Variants in NCALD observed in about 807,000 individuals in gnomAD.
NCALD encodes the protein neurocalcin-delta.
A neutral mutation model predicts 18.6 loss-of-function variants in NCALD; 10 were observed. The ratio of observed to expected loss-of-function variants is 0.54; its 90% confidence interval spans 0.33 to 0.91. The LOEUF (loss-of-function observed/expected upper bound fraction) is 0.91, where lower values mean the gene tolerates loss of function less well. Among genes scored for constraint, NCALD ranks in the 40% least tolerant of loss-of-function variants. NCALD has a pLI of 0.03. For missense variants in NCALD, 184 were observed against 247.6 expected, an observed-to-expected ratio of 0.74 and a Z score of 1.72; for synonymous variants, 88 against 87.4, an observed-to-expected ratio of 1.01 and a Z score of -0.04.
intron 1 of NCALD, among the ~76,000 whole-genome samples, chr8:102,091,223 C>T (rs575120382): frequency 1.1e-4 from 16 of 152,304 alleles, no homozygotes; most frequent in African/African-American, 2.6e-4. Context: ...ATTCTTGCTG[C>T]ACTTTATACA....
chr8:101,717,465 G>A lies in NCALD; in HGVS notation c.378+1787C>T, dbSNP rs372836457. ...TTGAATTTCTGAGTCGTGGAGGGAC[G>A]GGATTCAGCTAAGAATTTATGTATC... On this transcript the variant is annotated intron_variant, in intron 2 of 3. Transcript: ENST00000220931. Among the ~76,000 whole-genome samples, 14 of 151,898 alleles carry A rather than the reference G, an allele frequency of 9.2e-5. No individual in the cohort carries two copies. In the South Asian group the frequency reaches 2.1e-3, roughly 23 times the overall value.
At chr8:101,888,481 A>G (rs1429446110) in intron 3 of NCALD, among the ~76,000 whole-genome samples, 7 of 152,088 alleles carry the variant, frequency 4.6e-5, no homozygotes, top group African/African-American at 1.7e-4. Context: ...GCAGTAGAGC[A>G]ATAATAGCTC....
intron 1 of NCALD, among the ~76,000 whole-genome samples, chr8:101,719,924 C>T (rs12681368): frequency 0.45 from 68,467 of 151,920 alleles, 18,222 homozygotes; most frequent in Non-Finnish European, 0.6. Context: ...TCAGAGAGAG[C>T]GTGAGGTAGA....
At chr8:102,112,065 GA>G (rs929578792) in intron 1 of NCALD, among the ~76,000 whole-genome samples, 2 of 152,230 alleles carry the variant, frequency 1.3e-5, no homozygotes, top group African/African-American at 4.8e-5. Context: ...TTTTAGTAAA[GA>G]AAATAATGAT....
chr8:101,687,147 T>A lies in NCALD; in HGVS notation c.*2162A>T, dbSNP rs1010083762. 2 of 152,008 alleles carry A rather than the reference T, an allele frequency of 1.3e-5. No homozygotes were observed. Among genetic ancestry groups the A allele is most frequent in the African/African-American group, 4.8e-5 (2 of 41,340 alleles). 9.4% of individuals were successfully genotyped at this position (152,008 alleles called of 1,614,324 possible). ...CAGCTCTAGGTTCCAAGGAACAGAG[T>A]GGGTCTGGCTCAGCGAGATGTCATG... is the stretch of plus-strand genomic sequence containing the variant. On this transcript the variant is annotated 3_prime_UTR_variant, in exon 4 of 4. Coordinates refer to ENST00000220931, the MANE Select transcript of NCALD (RefSeq NM_032041.3).
At chr8:102,081,818 T>C (rs1397438019) in intron 1 of NCALD, among the ~76,000 whole-genome samples, 5 of 152,176 alleles carry the variant, frequency 3.3e-5, no homozygotes, top group Non-Finnish European at 7.3e-5. Context: ...GCACGACTGG[T>C]GCTTTTACCA....
chr8:102,097,988 G>A (rs1159065313), intron 1 of NCALD, among the ~76,000 whole-genome samples: 2 of 152,238 alleles, frequency 1.3e-5, no homozygotes, highest in Non-Finnish European at 2.9e-5. Flanking sequence ...CAATGTGCAA[G>A]GCACTTCCTG....
intron 1 of NCALD, among the ~76,000 whole-genome samples, chr8:101,779,467 T>C (rs1486348444): frequency 6.6e-6 from 1 of 152,140 alleles, no homozygotes; most frequent in Non-Finnish European, 1.5e-5. Flanking sequence ...AAAATAAATA[T>C]ACATAAAGGG....
At chr8:102,033,222 C>A (rs1246404441) in intron 1 of NCALD, among the ~76,000 whole-genome samples, 2 of 152,092 alleles carry the variant, frequency 1.3e-5, no homozygotes, top group Non-Finnish European at 2.9e-5. Context: ...TCTAGTCCTG[C>A]CATATACTCC....
At chr8:102,071,050 A>G (rs1824165716) in intron 1 of NCALD, among the ~76,000 whole-genome samples, 1 of 152,138 alleles carries the variant, frequency 6.6e-6, no homozygotes, top group Admixed American at 6.6e-5. Flanking sequence ...ACCAAAGGCA[A>G]TGAGGTTCAG....
At chr8:101,973,607 G>T (rs144773682) in intron 2 of NCALD, among the ~76,000 whole-genome samples, 257 of 152,302 alleles carry the variant, frequency 1.7e-3, no homozygotes, top group Non-Finnish European at 3.1e-3. Context: ...TATGAGAATT[G>T]TTTGGGGTAA....
chr8:101,884,272 T>C (rs1443649176), intron 4 of NCALD, among the ~76,000 whole-genome samples: 1 of 152,182 alleles, frequency 6.6e-6, no homozygotes, highest in Non-Finnish European at 1.5e-5. Context: ...GTTTTTGCTG[T>C]TGTTGTTTTC....
At chr8:101,970,191 C>T (rs146472110) in intron 2 of NCALD, among the ~76,000 whole-genome samples, 25 of 152,292 alleles carry the variant, frequency 1.6e-4, no homozygotes, top group African/African-American at 5.5e-4. Flanking sequence ...AGTTTCTACT[C>T]TCCAGATTCT....
chr8:101,843,591 T>G (rs1021201834), intron 4 of NCALD, among the ~76,000 whole-genome samples: 2 of 148,260 alleles, frequency 1.3e-5, no homozygotes, highest in Non-Finnish European at 3.0e-5. Context: ...TGTTTTTTTT[T>G]TTTTTGAGAC....
chr8:101,998,529 C>G (rs1821321578), intron 2 of NCALD, among the ~76,000 whole-genome samples: 1 of 152,160 alleles, frequency 6.6e-6, no homozygotes, highest in African/African-American at 2.4e-5. Flanking sequence ...CCTACCCTCT[C>G]CACTTCTCTG....
intron 1 of NCALD, among the ~76,000 whole-genome samples, chr8:102,032,448 G>A (rs1269707): frequency 0.89 from 135,259 of 152,064 alleles, 60,283 homozygotes; most frequent in South Asian, 0.95. Context: ...GGCCCTGAAA[G>A]ATAGCGTAGA....
At chr8:101,955,067 G>A (rs980289671) in intron 2 of NCALD, among the ~76,000 whole-genome samples, 5 of 152,084 alleles carry the variant, frequency 3.3e-5, no homozygotes, top group African/African-American at 4.8e-5. Flanking sequence ...TCCCATAGCC[G>A]CCACTCTCCC....
intron 4 of NCALD, among the ~76,000 whole-genome samples, chr8:101,865,991 A>G (rs1339977704): frequency 6.6e-6 from 1 of 152,130 alleles, no homozygotes; most frequent in Non-Finnish European, 1.5e-5. Flanking sequence ...GTCTCACTCT[A>G]CTTCCTAGTG....
chr8:102,072,424 G>A (rs1177088720), intron 1 of NCALD, among the ~76,000 whole-genome samples: 1 of 152,002 alleles, frequency 6.6e-6, no homozygotes, highest in East Asian at 1.9e-4. Flanking sequence ...AAATATATCA[G>A]GTTTAACCAC....
Sources: allele counts gnomAD v4.1 joint callset (sites outside exome capture counted in the v4.1 genomes callset), GRCh38; gene constraint gnomAD v4.1.1; transcripts MANE v1.5; gene names NCBI Gene and HGNC (gene_info 2026-07-23, HGNC 2026-07-21).